STAG1: variants seen among roughly 807,000 people sequenced by gnomAD.
The protein encoded by STAG1 is cohesin subunit SA-1.
In STAG1, 26 loss-of-function variants were observed where a neutral mutation model predicts 170.9. The ratio of observed to expected loss-of-function variants is 0.15; its 90% CI spans 0.11 to 0.21. The LOEUF (loss-of-function observed/expected upper bound fraction) is 0.21. STAG1 is among the 10% of genes least tolerant of loss of function. STAG1 has a pLI of 1.00. For synonymous variants in STAG1, 514 were observed against 497.7 expected (o/e 1.03, Z -0.44); for missense variants, 964 against 1,509.5 (o/e 0.64, Z 5.99).
Position 136,337,996 on chromosome 3 carries a change from C to A in STAG1, c.*258G>T. 2.6e-6 allele frequency: 1 copy of A among 392,154 alleles called. No individual in the cohort carries two copies. Among genetic ancestry groups the A allele is most frequent in the Non-Finnish European group, 4.6e-6 (1 of 219,108 alleles). 24.3% of individuals were successfully genotyped at this position (392,154 alleles called of 1,614,324 possible). On this transcript the variant is annotated 3_prime_UTR_variant, in exon 34 of 34. Coordinates refer to ENST00000383202, the MANE Select transcript of STAG1 (RefSeq NM_005862.3). ...CTTCCTCCCTCCAGAAAAACACACA[C>A]ATCTGTATTGGGATAAGTCCAATAG...
chr3:136,722,953 C>T (rs918280314), intron 1 of STAG1, among the ~76,000 whole-genome samples: 4 of 152,338 alleles, frequency 2.6e-5, no homozygotes, highest in Middle Eastern at 3.4e-3. Flanking sequence ...CTCGGCCTCC[C>T]GAGGTGCCGG....
intron 15 of STAG1, among the ~76,000 whole-genome samples, chr3:136,442,513 C>T (rs896410032): frequency 2.0e-5 from 3 of 152,104 alleles, no homozygotes; most frequent in Non-Finnish European, 4.4e-5. Context: ...TCATGTGGCT[C>T]TTATGTCCCC....
rs187933488 is a variant in STAG1 at position 136,593,621 on chromosome 3, T to G, written c.297+10688A>C. Among the ~76,000 whole-genome samples the G allele has an allele frequency of 1.6e-4, 25 of 152,342 alleles. No individual in the cohort carries two copies. In the East Asian group the frequency reaches 4.8e-3, roughly 29 times the overall value. The stretch of plus-strand genomic sequence containing the variant: ...CAGTCCCCATGGAAAAGACCACGTA[T>G]CTATGATCTTTTACATATGAGAGAA... On this transcript the variant is annotated intron_variant, in intron 4 of 33. Transcript: ENST00000383202.
chr3:136,456,850 A>T (rs2089127161), intron 13 of STAG1, among the ~76,000 whole-genome samples: 1 of 152,230 alleles, frequency 6.6e-6, no homozygotes, highest in Non-Finnish European at 1.5e-5. Context: ...ATAGACTGGG[A>T]TGCTATATTC....
At chr3:136,356,416 T>A (rs369518975) in intron 28 of STAG1, among the ~76,000 whole-genome samples, 1 of 152,210 alleles carries the variant, frequency 6.6e-6, no homozygotes, top group East Asian at 1.9e-4. Context: ...CTCCCCAGGC[T>A]GTCACCCAGG....
At chr3:136,701,353 G>T (rs559253352) in intron 1 of STAG1, among the ~76,000 whole-genome samples, 3 of 151,530 alleles carry the variant, frequency 2.0e-5, no homozygotes, top group African/African-American at 7.2e-5. Context: ...TTTGCTTCTT[G>T]ATTAAAACTT....
At chr3:136,712,986 G>A (rs1202650171) in intron 1 of STAG1, among the ~76,000 whole-genome samples, 2 of 152,122 alleles carry the variant, frequency 1.3e-5, no homozygotes, top group African/African-American at 2.4e-5. Context: ...AGCTACTCAG[G>A]AGGCTGAGGC....
chr3:136,457,116 C>T (rs879438559), intron 13 of STAG1, among the ~76,000 whole-genome samples: 1 of 152,100 alleles, frequency 6.6e-6, no homozygotes, highest in Non-Finnish European at 1.5e-5. Flanking sequence ...TGTCCGGGGT[C>T]CAGGGTCTAA....
At chr3:136,674,462 TG>T (rs1480708888) in intron 1 of STAG1, among the ~76,000 whole-genome samples, 1 of 152,122 alleles carries the variant, frequency 6.6e-6, no homozygotes, top group African/African-American at 2.4e-5. Context: ...ACTTATATAG[TG>T]ATAGAAGCAG....
intron 6 of STAG1, among the ~76,000 whole-genome samples, chr3:136,535,846 T>C (rs577570905): frequency 6.6e-6 from 1 of 152,176 alleles, no homozygotes; most frequent in Admixed American, 6.5e-5. Flanking sequence ...CTACTATGTA[T>C]CCATAAAAGC....
chr3:136,526,475 G>C (rs1313594497), intron 6 of STAG1, among the ~76,000 whole-genome samples: 1 of 151,696 alleles, frequency 6.6e-6, no homozygotes, highest in Non-Finnish European at 1.5e-5. Flanking sequence ...CCTTTATTTT[G>C]AGCCTACGTG....
chr3:136,373,895 TC>T (rs1172988008), intron 23 of STAG1, among the ~76,000 whole-genome samples: 2 of 152,174 alleles, frequency 1.3e-5, no homozygotes, highest in African/African-American at 4.8e-5. Flanking sequence ...TTCCTGGATA[TC>T]CTTTTTAACT....
chr3:136,628,535 C>T (rs947184262), intron 2 of STAG1, among the ~76,000 whole-genome samples: 2 of 152,120 alleles, frequency 1.3e-5, no homozygotes, highest in Non-Finnish European at 2.9e-5. Context: ...GACATAATCT[C>T]AGTCTGGGCC....
intron 28 of STAG1, among the ~76,000 whole-genome samples, chr3:136,357,036 C>T (rs549751807): frequency 4.9e-4 from 75 of 152,142 alleles, no homozygotes; most frequent in Non-Finnish European, 3.2e-4. Context: ...CAAGCTCCGC[C>T]TCCCAGGTTC....
At chr3:136,566,143 C>T (rs191468619) in intron 5 of STAG1, among the ~76,000 whole-genome samples, 3 of 152,180 alleles carry the variant, frequency 2.0e-5, no homozygotes, top group Admixed American at 2.0e-4. Context: ...TGTGTCCTCC[C>T]AAAATTCCTA....
intron 12 of STAG1, among the ~76,000 whole-genome samples, chr3:136,469,557 G>A (rs2089566719): frequency 6.6e-6 from 1 of 152,182 alleles, no homozygotes; most frequent in South Asian, 2.1e-4. Context: ...TGGCCATACT[G>A]CCCAAGGTAA....
chr3:136,523,197 T>C (rs543346810), intron 6 of STAG1, among the ~76,000 whole-genome samples: 2 of 152,164 alleles, frequency 1.3e-5, no homozygotes, highest in Admixed American at 1.3e-4. Flanking sequence ...AGTGTAAAAG[T>C]GTTCCTATTT....
chr3:136,541,655 C>T (rs1935913636), intron 6 of STAG1, among the ~76,000 whole-genome samples: 1 of 151,276 alleles, frequency 6.6e-6, no homozygotes, highest in Non-Finnish European at 1.5e-5. Flanking sequence ...GTAAGCAGGG[C>T]TTTTCTTAAT....
At chr3:136,362,022 C>CT (rs2108284782) in intron 26 of STAG1, among the ~76,000 whole-genome samples, 1 of 152,056 alleles carries the variant, frequency 6.6e-6, no homozygotes, top group South Asian at 2.1e-4. Context: ...ATGGCATGAT[C>CT]TTGGATACCT....
Sources: allele counts gnomAD v4.1 joint callset (sites outside exome capture counted in the v4.1 genomes callset), GRCh38; gene constraint gnomAD v4.1.1; transcripts MANE v1.5; gene names NCBI Gene and HGNC (gene_info 2026-07-23, HGNC 2026-07-21).